Variants in ENO4 observed in about 807,000 individuals in gnomAD.
ENO4 encodes the protein 2-phospho-D-glycerate hydro-lyase.
In ENO4, 53 loss-of-function variants were observed where a neutral mutation model predicts 63.2. That is an observed-to-expected ratio of 0.84 (90% CI 0.67 to 1.05). ENO4 has a LOEUF of 1.05. Ranked by LOEUF, ENO4 falls within the 50% of genes least tolerant of loss-of-function variation. The pLI, the probability that ENO4 is intolerant of heterozygous loss-of-function variation, is 0.00. For synonymous variants in ENO4, 266 were observed against 283.8 expected, an observed-to-expected ratio of 0.94 and a Z score of 0.63; for missense variants, 719 against 772.0, an observed-to-expected ratio of 0.93 and a Z score of 0.81.
Position 116,862,901 on chromosome 10 carries a change from T to G in ENO4, c.990+49T>G. On this transcript the variant is annotated intron_variant, in intron 7 of 13. Coordinates refer to ENST00000341276, the MANE Select transcript of ENO4 (RefSeq NM_001242699.2). ...TCTAGTTACTGACACTTAGACACCT[T>G]CTAGCATGCAACTTGTAGTTCATTT... 4 of 1,190,220 alleles carry G rather than the reference T, an allele frequency of 3.4e-6. No homozygotes were observed. In the Admixed American group the frequency reaches 8.0e-5, roughly 24 times the overall value. The allele number at this position is 1,190,220 out of a possible 1,614,324, so 73.7% of individuals were successfully genotyped here.
At chr10:116,902,028 G>C in intron 10 of ENO4, 1 of 1,336,916 alleles carries the variant, frequency 7.5e-7, no homozygotes, top group Admixed American at 3.1e-5. Flanking sequence ...CTGAAAAACA[G>C]ATTAGCTGAA....
chr10:116,881,836 T>C lies in ENO4; in HGVS notation c.*167T>C. On this transcript the variant is annotated 3_prime_UTR_variant, in exon 14 of 14. Transcript: ENST00000341276. ...TGGTAAATTACATATATGATGTTTT[T>C]GCCTGAAATTCTGTGAACTTCGTTT... is the stretch of plus-strand genomic sequence containing the variant. 1 of 521,892 alleles carries C rather than the reference T, an allele frequency of 1.9e-6. No homozygotes were observed. The highest frequency in any genetic ancestry group is 3.0e-6 in the Non-Finnish European group (1 of 328,030). The allele number at this position is 521,892 out of a possible 1,614,324, so 32.3% of individuals were successfully genotyped here. A position where few individuals can be genotyped will look rare whatever the true frequency, so the allele number is the denominator to read the frequency against.
chr10:116,878,848 A>G (rs922167741), intron 11 of ENO4, among the ~76,000 whole-genome samples: 5 of 144,818 alleles, frequency 3.5e-5, no homozygotes, highest in Non-Finnish European at 5.9e-5. Flanking sequence ...GGTTCACGCC[A>G]TTCTCCTGCC....
intron 6 of ENO4, among the ~76,000 whole-genome samples, chr10:116,862,019 G>A (rs1416524663): frequency 6.6e-6 from 1 of 152,148 alleles, no homozygotes; most frequent in East Asian, 1.9e-4. Context: ...GCATACCAGA[G>A]CACGAGGAAT....
At chr10:116,862,951 A>T in intron 7 of ENO4, 99 bp downstream of exon 7, 1 of 851,822 alleles carries the variant, frequency 1.2e-6, no homozygotes, top group Non-Finnish European at 1.9e-6. Flanking sequence ...TGTGGTTGAT[A>T]TGGAGAATGT....
intron 4 of ENO4, 125 bp from the exon 5 acceptor site, chr10:116,860,669 G>A (rs1265111565): frequency 1.5e-6 from 1 of 655,906 alleles, no homozygotes; most frequent in African/African-American, 1.8e-5. Flanking sequence ...AAAACTTTTT[G>A]GGGGTTGAGG....
chr10:116,874,323 A>C, intron 10 of ENO4, 122 bp downstream of exon 10: 360 of 924,066 alleles, frequency 3.9e-4, no homozygotes, highest in Non-Finnish European at 5.0e-4. Context: ...ATAAAATCTC[A>C]TTCTTTTGGA....
At chr10:116,902,530 C>T (rs546676014) in intron 10 of ENO4, among the ~76,000 whole-genome samples, 2 of 152,206 alleles carry the variant, frequency 1.3e-5, no homozygotes, top group African/African-American at 4.8e-5. Flanking sequence ...GGCTATTTAC[C>T]TTTTGGACTT....
rs1589751539 is a variant in ENO4, at chr10:116,858,981, G to A, written c.486-9G>A. ...TCCCACTGTAAAGCCATATTTTCTT[G>A]CTATTAAGGATATTCTTCGCAAGTA... On this transcript the variant is annotated splice_polypyrimidine_tract_variant and intron_variant, in intron 3 of 13. Transcript: ENST00000341276. 2 of 1,522,668 alleles carry A rather than the reference G, an allele frequency of 1.3e-6. No individual in the cohort carries two copies. The highest frequency in any genetic ancestry group is 1.8e-6 in the Non-Finnish European group (2 of 1,136,716). The allele number at this position is 1,522,668 out of a possible 1,614,324, so 94.3% of individuals were successfully genotyped here.
intron 7 of ENO4, 134 bp from the exon 8 acceptor site, chr10:116,868,514 CGT>C (rs1259576620): frequency 5.0e-5 from 37 of 738,768 alleles, no homozygotes; most frequent in Non-Finnish European, 2.5e-6. Context: ...TGCATGAGTG[CGT>C]GTGTGTGCGT....
intron 2 of ENO4, 24 bp downstream of exon 2, chr10:116,855,775 C>A: frequency 6.6e-7 from 1 of 1,516,232 alleles, no homozygotes; most frequent in Non-Finnish European, 8.8e-7. Context: ...TAAGTGTGTT[C>A]TTTAATGTCC....
In ENO4 at chr10:116,879,371, T is replaced by C. The variant is rs1846932664; in HGVS notation, c.1605+13T>C. ...CCTTGTCGATTTGGTAAGTGCTGAATGCTGGTCAACTGCCAAACACTGCTT... is the reference window on the plus strand; with the variant it reads ...CCTTGTCGATTTGGTAAGTGCTGAACGCTGGTCAACTGCCAAACACTGCTT... On this transcript the variant is annotated intron_variant, in intron 12 of 13. Coordinates refer to ENST00000341276, the MANE Select transcript of ENO4 (RefSeq NM_001242699.2). 1 of 1,542,422 alleles carries C rather than the reference T, an allele frequency of 6.5e-7. No individual in the cohort carries two copies. The highest frequency in any genetic ancestry group is 8.8e-7 in the Non-Finnish European group (1 of 1,141,322).
chr10:116,892,809 T>G (rs988512725), intron 10 of ENO4, among the ~76,000 whole-genome samples: 2 of 152,176 alleles, frequency 1.3e-5, no homozygotes, highest in Non-Finnish European at 2.9e-5. Flanking sequence ...GCTTCTTCTA[T>G]TTGAATAAAA....
At chr10:116,892,642 T>C (rs1847374489) in intron 10 of ENO4, among the ~76,000 whole-genome samples, 1 of 152,210 alleles carries the variant, frequency 6.6e-6, no homozygotes, top group Non-Finnish European at 1.5e-5. Context: ...TTTCTTTCAA[T>C]TTACTGTGTA....
At chr10:116,883,182 T>G (rs1847071116), downstream of ENO4, 1 of 152,220 alleles carries the variant, frequency 6.6e-6, no homozygotes, top group Admixed American at 6.5e-5. Flanking sequence ...TCCTCGAGAC[T>G]GCACTCACCA....
intron 10 of ENO4, chr10:116,908,049 T>C (rs1271671760): frequency 2.3e-6 from 1 of 438,346 alleles, no homozygotes; most frequent in South Asian, 1.6e-5. Flanking sequence ...ACAAATCTCA[T>C]AATTAACCTC....
chr10:116,856,651 T>C lies in ENO4; in HGVS notation c.454T>C (p.Ser152Pro), dbSNP rs1040690434. The change falls in exon 3 of 14, where the codon TCT becomes CCT. Residue 152 changes from serine (S) to proline (P), a missense_variant. Ser to Pro is a moderately conservative substitution (Grantham distance 74). Transcript: ENST00000341276. ...ITHELQGMAP[S>P]DQAEVDHLLR... ...GCACGAGCTCCAGGGGATGGCACCCTCTGACCAGGCAGAGGTGGATCACCT... is the reference window on the plus strand; with the variant it reads ...GCACGAGCTCCAGGGGATGGCACCCCCTGACCAGGCAGAGGTGGATCACCT... The C allele has an allele frequency of 5.2e-6, 8 of 1,534,496 alleles. No individual in the cohort carries two copies. The Admixed American group carries it at 1.6e-4, about 30-fold the overall frequency.
At chr10:116,912,366 CGA>C (rs1165387235), downstream of ENO4, among the ~76,000 whole-genome samples, 1 of 152,154 alleles carries the variant, frequency 6.6e-6, no homozygotes, top group African/African-American at 2.4e-5. Context: ...AGGACAGAGT[CGA>C]GAGAGCAGGG....
intron 7 of ENO4, among the ~76,000 whole-genome samples, chr10:116,865,629 GC>G (rs1284869115): frequency 1.3e-5 from 2 of 152,190 alleles, no homozygotes; most frequent in African/African-American, 4.8e-5. Flanking sequence ...CTCTCAACCA[GC>G]AGTGATTTTG....
Sources: gnomAD v4.1 joint callset for allele counts (sites outside exome capture counted in the v4.1 genomes callset) on GRCh38, gnomAD v4.1.1 for gene constraint, MANE v1.5 for transcripts, NCBI Gene and HGNC (gene_info 2026-07-23, HGNC 2026-07-21) for gene names.